The following AIM2 variants were observed in gnomAD, a reference collection of about 807,000 sequenced individuals.
AIM2 encodes the protein absent in melanoma 2.
In AIM2, 30 loss-of-function variants were observed where a neutral mutation model predicts 27.7. The ratio of observed to expected loss-of-function variants is 1.08; its 90% CI spans 0.81 to 1.47. The LOEUF is 1.47. AIM2 is among the 40% of genes most tolerant of loss of function. AIM2 has a pLI of 0.00. For missense variants in AIM2, 358 were observed against 411.3 expected, an observed-to-expected ratio of 0.87 and a Z score of 1.12; for synonymous variants, 141 against 145.3, an observed-to-expected ratio of 0.97 and a Z score of 0.21.
chr1:159,065,854 A>C, intron 4 of AIM2, 56 bp downstream of exon 4: 1 of 1,498,562 alleles, frequency 6.7e-7, no homozygotes, highest in South Asian at 1.4e-5. Context: ...CTTTAAGATC[A>C]GATGGGAAAT....
rs1367699751 is a variant in AIM2 at position 159,066,200 on chromosome 1, TCTC to T, written c.523_525del (p.Glu175del). 1.2e-6 allele frequency: 2 copies of T among 1,614,220 alleles called. No individual in the cohort carries two copies. The highest frequency in any genetic ancestry group is 1.7e-6 in the Non-Finnish European group (2 of 1,180,036). ...TCTGTAGCCACTGTAGCATGAAACA[TCTC>T]CTGCTTGCCTTCTTGGGTCTCAAAC... is the stretch of plus-strand genomic sequence containing the variant. On this transcript the variant is annotated inframe_deletion, in exon 4 of 6. Transcript: ENST00000368130.
intron 1 of AIM2, among the ~76,000 whole-genome samples, chr1:159,127,056 T>C (rs1647714088): frequency 6.6e-6 from 1 of 152,168 alleles, no homozygotes; most frequent in Admixed American, 6.5e-5. Flanking sequence ...TATTTGGGGA[T>C]AGCTATATGT....
chr1:159,078,213 G>A (rs930376321), upstream of AIM2, among the ~76,000 whole-genome samples: 3 of 152,084 alleles, frequency 2.0e-5, no homozygotes, highest in African/African-American at 7.2e-5. Flanking sequence ...CTGACATACG[G>A]TATATGTCAT....
chr1:159,107,726 C>A (rs1429290790), intron 1 of AIM2, among the ~76,000 whole-genome samples: 3 of 152,066 alleles, frequency 2.0e-5, no homozygotes, highest in Non-Finnish European at 4.4e-5. Flanking sequence ...GGAGATATTA[C>A]AACAGACACC....
upstream of AIM2, among the ~76,000 whole-genome samples, chr1:159,077,507 G>A (rs1008793233): frequency 9.9e-5 from 15 of 152,174 alleles, no homozygotes; most frequent in Non-Finnish European, 5.9e-5. Flanking sequence ...AACCAGTTGC[G>A]GCCAGTTTCT....
rs185160590 is a variant in AIM2 at position 159,093,412 on chromosome 1, T to G, written c.-15-27083A>C. On this transcript the variant is annotated intron_variant, in intron 1 of 2. Coordinates refer to the AIM2 transcript ENST00000368129. ...CAAATCTTATTCACTGCTGGTAGCA[T>G]AGGGAGATACAACTTGTTTGGAACA... Among the ~76,000 whole-genome samples the G allele has an allele frequency of 5.6e-3, 846 of 152,298 alleles. 3 individuals carry two copies. Among genetic ancestry groups the G allele is most frequent in the Non-Finnish European group, 9.0e-3 (609 of 68,022 alleles).
rs1656068346 is a variant in AIM2, at chr1:159,065,917, A to T, written c.809T>A (p.Val270Asp). The change falls in exon 4 of 6, where the codon GTC becomes GAC. Residue 270 changes from valine to aspartate, a missense_variant. Transcript: ENST00000368130. ...LGTIVNGLFV[V>D]QKVTEKKKNI... The stretch of plus-strand genomic sequence containing the variant: ...TTAGATATGAAAACTTACCTTCTGG[A>T]CTACAAACAAACCATTCACAATTGT... 6.2e-7 allele frequency: 1 copy of T among 1,601,514 alleles called. No homozygotes were observed. Among genetic ancestry groups the T allele is most frequent in the African/African-American group, 1.3e-5 (1 of 74,350 alleles).
At chr1:159,069,787 C>T (rs911730558) in intron 2 of AIM2, among the ~76,000 whole-genome samples, 1 of 152,170 alleles carries the variant, frequency 6.6e-6, no homozygotes, top group Non-Finnish European at 1.5e-5. Flanking sequence ...TCGTGATGCG[C>T]CCACCTCAGC....
upstream of AIM2, among the ~76,000 whole-genome samples, chr1:159,079,590 T>C (rs1159984682): frequency 6.6e-6 from 1 of 152,140 alleles, no homozygotes; most frequent in Non-Finnish European, 1.5e-5. Context: ...AGGCTCACAG[T>C]AAAATTGAGC....
intron 1 of AIM2, among the ~76,000 whole-genome samples, chr1:159,110,569 A>G (rs1657545203): frequency 6.6e-6 from 1 of 151,670 alleles, no homozygotes; most frequent in African/African-American, 2.4e-5. Context: ...GATTTCAAAG[A>G]AAAAAAAACT....
chr1:159,070,111 G>A (rs1656286376), intron 2 of AIM2, among the ~76,000 whole-genome samples: 1 of 152,186 alleles, frequency 6.6e-6, no homozygotes, highest in Non-Finnish European at 1.5e-5. Flanking sequence ...CCTGGCTTAT[G>A]TTAATGCTCC....
intron 1 of AIM2, chr1:159,081,830 C>G (rs1323315544): frequency 3.3e-5 from 5 of 153,494 alleles, no homozygotes; most frequent in Non-Finnish European, 7.3e-5. Flanking sequence ...GAAAGCCCTT[C>G]CCAGCCAAGT....
chr1:159,120,659 GA>G lies in AIM2; in HGVS notation c.-16+19771del, dbSNP rs537837759. Reference sequence around the variant, plus strand: ...TGAGGGGAAAGCACTCAATTGCAAGGAAAATAAGAATCAATGGAGAAATGGA... The same window carrying G: ...TGAGGGGAAAGCACTCAATTGCAAGGAAATAAGAATCAATGGAGAAATGGA... On this transcript the variant is annotated intron_variant, in intron 1 of 2. Coordinates refer to the AIM2 transcript ENST00000368129. Among the ~76,000 whole-genome samples the G allele has an allele frequency of 1.5e-4, 23 of 152,182 alleles. No homozygotes were observed. The East Asian group carries it at 4.1e-3, about 27-fold the overall frequency.
At chr1:159,091,665 G>A (rs150423374) in intron 1 of AIM2, among the ~76,000 whole-genome samples, 83 of 152,314 alleles carry the variant, frequency 5.4e-4, no homozygotes, top group Middle Eastern at 3.4e-3. Flanking sequence ...CCTGCCCTCT[G>A]GATGCCCTTG....
chr1:159,100,729 T>C (rs1300292800), intron 1 of AIM2, among the ~76,000 whole-genome samples: 1 of 152,194 alleles, frequency 6.6e-6, no homozygotes, highest in Non-Finnish European at 1.5e-5. Context: ...AAAGACCTGG[T>C]TCTTGGTTGT....
At chr1:159,110,527 G>C (rs1657544100) in intron 1 of AIM2, among the ~76,000 whole-genome samples, 1 of 152,056 alleles carries the variant, frequency 6.6e-6, no homozygotes, top group Non-Finnish European at 1.5e-5. Context: ...CAGGGTCTAT[G>C]GACCTCAAAG....
chr1:159,072,363 C>T (rs1043890490), intron 2 of AIM2, among the ~76,000 whole-genome samples: 1 of 152,194 alleles, frequency 6.6e-6, no homozygotes, highest in African/African-American at 2.4e-5. Context: ...CCATGTCACC[C>T]TTGTTGTACA....
intron 1 of AIM2, among the ~76,000 whole-genome samples, chr1:159,097,939 T>C (rs1174445273): frequency 1.3e-5 from 2 of 152,152 alleles, no homozygotes; most frequent in Non-Finnish European, 2.9e-5. Flanking sequence ...TCTTCGTTTT[T>C]CTCATTTTGT....
chr1:159,118,981 C>A (rs1647458079), intron 1 of AIM2, among the ~76,000 whole-genome samples: 1 of 152,084 alleles, frequency 6.6e-6, no homozygotes. Flanking sequence ...GGCTGAGGCC[C>A]AGCTGTGGCT....
Sources: gnomAD v4.1 joint callset for allele counts (sites outside exome capture counted in the v4.1 genomes callset) on GRCh38, gnomAD v4.1.1 for gene constraint, MANE v1.5 for transcripts, NCBI Gene and HGNC (gene_info 2026-07-23, HGNC 2026-07-21) for gene names.